Variants in P2RY12 observed in about 807,000 individuals in gnomAD.
The protein encoded by P2RY12 is purinergic receptor P2Y12.
P2RY12 carries 3 observed loss-of-function variants against 4.5 expected under a neutral mutation model. The observed-to-expected ratio is 0.67, with a 90% CI of 0.31 to 1.74. P2RY12 has a LOEUF of 1.74. Among genes scored for constraint, P2RY12 ranks in the 40% most tolerant of loss-of-function variants. P2RY12 has a pLI of 0.09. For missense variants in P2RY12, 356 were observed against 407.8 expected (o/e 0.87, Z 1.09); for synonymous variants, 148 against 154.1 (o/e 0.96, Z 0.29).
At chr3:151,370,633 T>G (rs1009251197) in intron 1 of P2RY12, among the ~76,000 whole-genome samples, 3 of 152,168 alleles carry the variant, frequency 2.0e-5, no homozygotes, top group Admixed American at 6.5e-5. Context: ...GAGTAGAATT[T>G]CCCTACTGTG....
In P2RY12 at chr3:151,365,856, C is replaced by T. The variant is rs1341323062; in HGVS notation, c.-180+18836G>A. The T allele has an allele frequency of 1.4e-5, 23 of 1,608,618 alleles. 1 individual carries two copies. Among genetic ancestry groups the T allele is most frequent in the Middle Eastern group, 1.7e-4 (1 of 6,038 alleles). On this transcript the variant is annotated intron_variant, in intron 1 of 2. Transcript: ENST00000302632. ...TCTTCTTTTTCTTTTCTAGGATTAACGACATAGCCAATTTCTCCTCTGAGC... is the reference window on the plus strand; with the variant it reads ...TCTTCTTTTTCTTTTCTAGGATTAATGACATAGCCAATTTCTCCTCTGAGC...
At position 151,338,472 on chromosome 3, in the gene P2RY12, T is replaced by G; in HGVS notation, c.374A>C (p.Lys125Thr). Reference sequence around the variant, plus strand: ...GGATGTTTTAAATGGCCTGGTGGTCTTCTGGTAGCGATCGATAGTTATCAG... The same window carrying G: ...GGATGTTTTAAATGGCCTGGTGGTCGTCTGGTAGCGATCGATAGTTATCAG... ...LGLITIDRYQ[K>T]TTRPFKTSNP... Residue 125 changes from lysine to threonine, a missense_variant, in exon 3 of 3, where the codon AAG (lysine) becomes ACG (threonine). Coordinates refer to ENST00000302632, the MANE Select transcript of P2RY12 (RefSeq NM_022788.5). 6.2e-7 allele frequency: 1 copy of G among 1,614,006 alleles called. No homozygotes were observed. Among genetic ancestry groups the G allele is most frequent in the Non-Finnish European group, 8.5e-7 (1 of 1,179,996 alleles).
At chr3:151,354,588 A>G (rs919659580) in intron 1 of P2RY12, among the ~76,000 whole-genome samples, 3 of 152,206 alleles carry the variant, frequency 2.0e-5, no homozygotes, top group Non-Finnish European at 4.4e-5. Flanking sequence ...TGTGGATATC[A>G]TTGTAATTTA....
chr3:151,338,350 G>T lies in P2RY12; in HGVS notation c.496C>A (p.Gln166Lys). Residue 166 changes from glutamine (Q) to lysine (K), a missense_variant, in exon 3 of 3, where the codon CAG (glutamine) becomes AAG (lysine). By Grantham distance (53) the Gln-to-Lys change is moderately conservative. Transcript: ENST00000302632. ...SLPNMILTNR[Q>K]PRDKNVKKCS... is the part of the protein sequence containing the mutation. ...TTCTTCACATTCTTGTCTCTCGGCT[G>T]CCTGTTGGTCAGAATCATGTTAGGC... 6.2e-7 allele frequency: 1 copy of T among 1,614,104 alleles called. No homozygotes were observed. Among genetic ancestry groups the T allele is most frequent in the Non-Finnish European group, 8.5e-7 (1 of 1,180,008 alleles).
Position 151,378,423 on chromosome 3 carries a change from C to T in P2RY12, c.-180+6269G>A, listed in dbSNP as rs528393564. On this transcript the variant is annotated intron_variant, in intron 1 of 2. Coordinates refer to ENST00000302632, the MANE Select transcript of P2RY12 (RefSeq NM_022788.5). Reference sequence around the variant, plus strand: ...CTGAACTGTTAAAAACAGTGATTTCCGAGACCCGCTTTAGACCAACTGAAT... The same window carrying T: ...CTGAACTGTTAAAAACAGTGATTTCTGAGACCCGCTTTAGACCAACTGAAT... 1.8e-4 allele frequency among the ~76,000 whole-genome samples: 28 copies of T among 152,140 alleles called. No homozygotes were observed. In the East Asian group the frequency reaches 2.3e-3, roughly 13 times the overall value.
intron 1 of P2RY12, chr3:151,360,633 A>G (rs1754490688): frequency 2.7e-5 from 43 of 1,594,734 alleles, no homozygotes; most frequent in Non-Finnish European, 3.6e-5. Context: ...AAAAGGACAG[A>G]AATAGGATCA....
chr3:151,378,025 A>G (rs1346865405), intron 1 of P2RY12: 2 of 1,604,618 alleles, frequency 1.2e-6, no homozygotes, highest in Non-Finnish European at 1.7e-6. Flanking sequence ...CTCCGAACGC[A>G]GGGGTGTATG....
rs1386519170 is a variant in P2RY12 at position 151,340,603 on chromosome 3, CTG to C, written c.-24_-23del. 1 of 152,524 alleles carries C rather than the reference CTG, an allele frequency of 6.6e-6. No homozygotes were observed. Among genetic ancestry groups the C allele is most frequent in the Non-Finnish European group, 1.5e-5 (1 of 68,016 alleles). The allele number at this position is 152,524 out of a possible 1,614,324, so 9.4% of individuals were successfully genotyped here. On this transcript the variant is annotated 5_prime_UTR_variant, in exon 2 of 3. Transcript: ENST00000302632. ...TTGTAGAAATAACATTACCTGATAA[CTG>C]TTGATTCTGGAGGGTTTGAATGTAT...
At chr3:151,374,464 C>T (rs1270061453) in intron 1 of P2RY12, among the ~76,000 whole-genome samples, 2 of 152,162 alleles carry the variant, frequency 1.3e-5, no homozygotes, top group African/African-American at 4.8e-5. Context: ...ATGAGAATCG[C>T]TTGAAACTGG....
At chr3:151,367,115 TC>T (rs11455484) in intron 1 of P2RY12, among the ~76,000 whole-genome samples, 1 of 60,456 alleles carries the variant, frequency 1.7e-5, no homozygotes, top group African/African-American at 1.2e-4. Flanking sequence ...TCCCCCTCTG[TC>T]CTTTTTCTTC....
intron 1 of P2RY12, among the ~76,000 whole-genome samples, chr3:151,347,015 A>G (rs1010003996): frequency 6.6e-6 from 1 of 152,224 alleles, no homozygotes; most frequent in African/African-American, 2.4e-5. Flanking sequence ...TAACTAGTGG[A>G]TACATCTTGA....
intron 1 of P2RY12, among the ~76,000 whole-genome samples, chr3:151,379,635 C>G (rs1711879298): frequency 6.6e-6 from 1 of 152,142 alleles, no homozygotes; most frequent in Non-Finnish European, 1.5e-5. Flanking sequence ...GCTTTTTGGT[C>G]TTGGGAAATG....
intron 1 of P2RY12, among the ~76,000 whole-genome samples, chr3:151,344,844 T>A (rs1451102103): frequency 1.3e-5 from 2 of 152,184 alleles, no homozygotes; most frequent in African/African-American, 4.8e-5. Context: ...TCAGAAAATG[T>A]GAGTAAGGTG....
rs188133604 is a variant in P2RY12 at position 151,354,221 on chromosome 3, T to C, written c.-179-13461A>G. ...CATATATCCAACTTTTCCTTTTTGT[T>C]TTTAGATTTGTCTTTGTAAACATAA... On this transcript the variant is annotated intron_variant, in intron 1 of 2. Coordinates refer to ENST00000302632, the MANE Select transcript of P2RY12 (RefSeq NM_022788.5). 5.1e-3 allele frequency among the ~76,000 whole-genome samples: 780 copies of C among 152,046 alleles called. 13 individuals are homozygous for C. Among genetic ancestry groups the C allele is most frequent in the African/African-American group, 0.018 (737 of 41,518 alleles).
intron 1 of P2RY12, chr3:151,365,120 G>C: frequency 6.2e-7 from 1 of 1,614,084 alleles, no homozygotes; most frequent in Non-Finnish European, 8.5e-7. Flanking sequence ...TGCTGGGCAA[G>C]ATCCTCAGTG....
At chr3:151,346,506 T>A (rs1307580085) in intron 1 of P2RY12, among the ~76,000 whole-genome samples, 1 of 152,176 alleles carries the variant, frequency 6.6e-6, no homozygotes, top group Non-Finnish European at 1.5e-5. Flanking sequence ...TAGAGAAACT[T>A]CTTCTCCTTT....
At chr3:151,356,840 T>G (rs1290493640) in intron 1 of P2RY12, among the ~76,000 whole-genome samples, 1 of 152,198 alleles carries the variant, frequency 6.6e-6, no homozygotes, top group Non-Finnish European at 1.5e-5. Flanking sequence ...TTGGTTTCCT[T>G]TGTTTATTTT....
intron 1 of P2RY12, among the ~76,000 whole-genome samples, chr3:151,347,061 A>G (rs1752634184): frequency 6.6e-6 from 1 of 152,176 alleles, no homozygotes; most frequent in South Asian, 2.1e-4. Flanking sequence ...CTTGGGTTCA[A>G]AAGCCTGATC....
chr3:151,369,285 T>C (rs1437791220), intron 1 of P2RY12: 1 of 494,272 alleles, frequency 2.0e-6, no homozygotes, highest in Admixed American at 3.5e-5. Flanking sequence ...ACTGGCCATG[T>C]TTCTTAGTGA....
Sources: gnomAD v4.1 joint callset for allele counts (sites outside exome capture counted in the v4.1 genomes callset) on GRCh38, gnomAD v4.1.1 for gene constraint, MANE v1.5 for transcripts, NCBI Gene and HGNC (gene_info 2026-07-23, HGNC 2026-07-21) for gene names.